The following HTR7 variants were observed in gnomAD, a reference collection of about 807,000 sequenced individuals.
The protein encoded by HTR7 is 5-hydroxytryptamine receptor 7.
HTR7 carries 16 observed loss-of-function variants against 34.0 expected under a neutral mutation model. The observed-to-expected ratio is 0.47, with a 90% CI of 0.32 to 0.71. The LOEUF (loss-of-function observed/expected upper bound fraction) is 0.71, where lower values mean the gene tolerates loss of function less well. Among genes scored for constraint, HTR7 ranks in the 30% least tolerant of loss-of-function variants. The probability of loss-of-function intolerance (pLI) is 0.04; values close to 1 mark genes in which losing one functional copy is unlikely to be tolerated. For synonymous variants in HTR7, 265 were observed against 260.2 expected (o/e 1.02, Z -0.18); for missense variants, 504 against 625.5 (o/e 0.81, Z 2.07).
At chr10:90,779,594 A>G (rs1845273961) in intron 1 of HTR7, among the ~76,000 whole-genome samples, 1 of 152,214 alleles carries the variant, frequency 6.6e-6, no homozygotes, top group African/African-American at 2.4e-5. Context: ...TCTTTAGGCC[A>G]GCTCTCCTCC....
At chr10:90,785,333 T>A (rs576324134) in intron 1 of HTR7, among the ~76,000 whole-genome samples, 147 of 152,084 alleles carry the variant, frequency 9.7e-4, no homozygotes, top group Non-Finnish European at 1.3e-3. Flanking sequence ...ACATCAAAAG[T>A]GTTTGATCAC....
chr10:90,782,776 T>C (rs1012867213), intron 1 of HTR7, among the ~76,000 whole-genome samples: 1 of 152,220 alleles, frequency 6.6e-6, no homozygotes, highest in Non-Finnish European at 1.5e-5. Flanking sequence ...ATGCCACTCA[T>C]TCTGGGGCCT....
At chr10:90,832,793 A>G (rs758857681) in intron 1 of HTR7, among the ~76,000 whole-genome samples, 18 of 152,186 alleles carry the variant, frequency 1.2e-4, no homozygotes, top group Non-Finnish European at 2.1e-4. Flanking sequence ...CCAGGCCCAC[A>G]GGGAGGAGGG....
intron 2 of HTR7, 82 bp from the exon 3 acceptor site, chr10:90,743,772 TATC>T: frequency 1.8e-6 from 2 of 1,099,144 alleles, no homozygotes; most frequent in Non-Finnish European, 1.4e-6. Context: ...TATATTTCAT[TATC>T]ATATTTGGTT....
At chr10:90,744,135 CCT>C (rs1311973401) in intron 2 of HTR7, among the ~76,000 whole-genome samples, 2 of 151,482 alleles carry the variant, frequency 1.3e-5, no homozygotes, top group Non-Finnish European at 2.9e-5. Context: ...TGGAGAAAGC[CCT>C]GAGTCTGGAG....
chr10:90,831,763 C>A (rs1846183571), intron 1 of HTR7, among the ~76,000 whole-genome samples: 1 of 152,094 alleles, frequency 6.6e-6, no homozygotes, highest in Non-Finnish European at 1.5e-5. Context: ...TCCACGTCCC[C>A]ACTAGATTAG....
At chr10:90,835,284 T>C (rs997270784) in intron 1 of HTR7, among the ~76,000 whole-genome samples, 27 of 152,182 alleles carry the variant, frequency 1.8e-4, no homozygotes, top group African/African-American at 5.8e-4. Flanking sequence ...AAAATCCCAT[T>C]GTACTGACCA....
intron 1 of HTR7, among the ~76,000 whole-genome samples, chr10:90,819,009 G>A (rs1001254736): frequency 6.6e-6 from 1 of 152,080 alleles, no homozygotes; most frequent in Non-Finnish European, 1.5e-5. Flanking sequence ...GGCCTCCCCA[G>A]CCATGCATCC....
chr10:90,775,725 G>A (rs115476680), intron 1 of HTR7, among the ~76,000 whole-genome samples: 150 of 152,304 alleles, frequency 9.8e-4, no homozygotes, highest in African/African-American at 3.3e-3. Flanking sequence ...CTAGAAAGTA[G>A]ATTCTTGAAG....
intron 1 of HTR7, among the ~76,000 whole-genome samples, chr10:90,830,702 C>T (rs72810816): frequency 2.1e-4 from 31 of 149,662 alleles, no homozygotes; most frequent in Non-Finnish European, 3.4e-4. Flanking sequence ...GTGGGAGGAT[C>T]GCTTAAGCCC....
chr10:90,756,430 T>G (rs1844833521), intron 1 of HTR7, among the ~76,000 whole-genome samples: 1 of 152,240 alleles, frequency 6.6e-6, no homozygotes, highest in Non-Finnish European at 1.5e-5. Context: ...GATGCTAACC[T>G]GTTCTCTAAA....
At chr10:90,816,397 G>T (rs1845899495) in intron 1 of HTR7, among the ~76,000 whole-genome samples, 1 of 152,162 alleles carries the variant, frequency 6.6e-6, no homozygotes, top group Non-Finnish European at 1.5e-5. Flanking sequence ...TAAAAAAGGA[G>T]AGATTAGAGA....
At chr10:90,753,167 GT>G (rs1378280617) in intron 1 of HTR7, among the ~76,000 whole-genome samples, 1 of 152,054 alleles carries the variant, frequency 6.6e-6, no homozygotes, top group Non-Finnish European at 1.5e-5. Context: ...GAACTTCAGA[GT>G]TTGTAAAAGA....
At chr10:90,792,544 T>C (rs1304563086) in intron 1 of HTR7, among the ~76,000 whole-genome samples, 1 of 152,130 alleles carries the variant, frequency 6.6e-6, no homozygotes, top group African/African-American at 2.4e-5. Flanking sequence ...AGCTTTTTTA[T>C]AAGTTGTAAA....
In HTR7 at chr10:90,749,171, T is replaced by C. The variant is rs2119675328; in HGVS notation, c.963A>G (p.Arg321=). The C allele has an allele frequency of 1.9e-6, 3 of 1,614,146 alleles. No individual in the cohort carries two copies. Among genetic ancestry groups the C allele is most frequent in the Non-Finnish European group, 2.5e-6 (3 of 1,180,024 alleles). Residue 321 remains arginine, a synonymous_variant, in exon 2 of 4, where the codon CGA becomes CGG. Coordinates refer to ENST00000336152, the MANE Select transcript of HTR7 (RefSeq NM_019859.4). The surrounding 1 kb of genome is among the most constrained non-coding windows in gnomAD (Gnocchi z 4.2). The stretch of plus-strand genomic sequence containing the variant: ...CCAGGGTGGTGGCTGCTTTCTGTTC[T>C]CGCTTAAAGATGGAGATGTTTTTCC... ...HERKNISIFK[R]EQKAATTLGI...
At chr10:90,746,438 T>C (rs1844636748) in intron 2 of HTR7, among the ~76,000 whole-genome samples, 1 of 152,188 alleles carries the variant, frequency 6.6e-6, no homozygotes. Flanking sequence ...TTATCTGTTC[T>C]TTCCTACTTT....
chr10:90,791,491 T>C (rs1845458835), intron 1 of HTR7, among the ~76,000 whole-genome samples: 2 of 151,716 alleles, frequency 1.3e-5, no homozygotes, highest in African/African-American at 2.4e-5. Context: ...GATTCAGAGG[T>C]AGGAGATTGA....
At chr10:90,782,028 C>T (rs1352419781) in intron 1 of HTR7, among the ~76,000 whole-genome samples, 1 of 152,236 alleles carries the variant, frequency 6.6e-6, no homozygotes, top group African/African-American at 2.4e-5. Flanking sequence ...GCATTGGCCT[C>T]TGGCTCTGCT....
chr10:90,762,944 T>C (rs188879920), intron 1 of HTR7, among the ~76,000 whole-genome samples: 2 of 152,330 alleles, frequency 1.3e-5, no homozygotes, highest in Admixed American at 6.5e-5. Flanking sequence ...GTTGACCGTG[T>C]ATGTGGAGGT....
Sources: allele counts gnomAD v4.1 joint callset (sites outside exome capture counted in the v4.1 genomes callset), GRCh38; gene constraint gnomAD v4.1.1; non-coding constraint Gnocchi (gnomAD v3.1); transcripts MANE v1.5; gene names NCBI Gene and HGNC (gene_info 2026-07-23, HGNC 2026-07-21).